Variants in PLSCR2 observed in about 807,000 individuals in gnomAD.
The protein encoded by PLSCR2 is PL scramblase 2.
In PLSCR2, 18 loss-of-function variants were observed where a neutral mutation model predicts 25.3. That is an observed-to-expected ratio of 0.71 (90% CI 0.49 to 1.06). The LOEUF (loss-of-function observed/expected upper bound fraction) is 1.06, where lower values mean the gene tolerates loss of function less well. Ranked by LOEUF, PLSCR2 falls within the 50% of genes least tolerant of loss-of-function variation. PLSCR2 has a pLI of 0.00. For missense variants in PLSCR2, 243 were observed against 269.5 expected (o/e 0.90, Z 0.69); for synonymous variants, 88 against 87.3 (o/e 1.01, Z -0.04).
chr3:146,474,171 T>C (rs943227363), intron 1 of PLSCR2, among the ~76,000 whole-genome samples: 4 of 152,236 alleles, frequency 2.6e-5, no homozygotes, highest in Admixed American at 6.5e-5. Context: ...TATACACTTA[T>C]GTGAAGACTG....
chr3:146,470,905 C>T (rs530879243), intron 1 of PLSCR2, among the ~76,000 whole-genome samples: 4 of 152,026 alleles, frequency 2.6e-5, no homozygotes, highest in Non-Finnish European at 5.9e-5. Context: ...ATGGTATCTA[C>T]CACAGAGGAT....
intron 6 of PLSCR2, among the ~76,000 whole-genome samples, chr3:146,444,002 G>A (rs1365252207): frequency 6.6e-6 from 1 of 151,116 alleles, no homozygotes; most frequent in Non-Finnish European, 1.5e-5. Context: ...TTTCCTTCTT[G>A]GTTTCTTCAT....
chr3:146,484,999 G>A (rs1286934077), intron 1 of PLSCR2, among the ~76,000 whole-genome samples: 2 of 151,936 alleles, frequency 1.3e-5, no homozygotes, highest in Non-Finnish European at 2.9e-5. Context: ...TGGCAAATTG[G>A]ATAAGGAGTT....
intron 1 of PLSCR2, among the ~76,000 whole-genome samples, chr3:146,467,247 AT>A (rs1459072780): frequency 3.3e-5 from 5 of 152,330 alleles, no homozygotes; most frequent in African/African-American, 1.2e-4. Flanking sequence ...CCCAACTGAA[AT>A]TGTAGTAGTA....
intron 5 of PLSCR2, among the ~76,000 whole-genome samples, chr3:146,450,058 A>C (rs780410343): frequency 3.0e-4 from 45 of 152,222 alleles, no homozygotes; most frequent in Non-Finnish European, 5.1e-4. Context: ...GGTTGTAAAA[A>C]TTCTGCTGAG....
chr3:146,423,234 C>CCTCTCT (rs200145864), intron 2 of PLSCR2, among the ~76,000 whole-genome samples: 558 of 53,438 alleles, frequency 0.01, 29 homozygotes, highest in African/African-American at 0.025. Flanking sequence ...CCTTGCAGTG[C>CCTCTCT]CTCTCTCTCT....
At chr3:146,452,528 G>T (rs1229003502) in intron 5 of PLSCR2, among the ~76,000 whole-genome samples, 1 of 151,956 alleles carries the variant, frequency 6.6e-6, no homozygotes, top group African/African-American at 2.4e-5. Context: ...TTACTGAAAA[G>T]GTATTTTTAA....
chr3:146,443,886 T>C (rs2040396162), intron 6 of PLSCR2, among the ~76,000 whole-genome samples: 1 of 151,952 alleles, frequency 6.6e-6, no homozygotes, highest in Non-Finnish European at 1.5e-5. Context: ...TTTTTTGATA[T>C]GGGGGCTTAT....
At chr3:146,427,224 T>C (rs1026123977) in intron 2 of PLSCR2, among the ~76,000 whole-genome samples, 2 of 152,186 alleles carry the variant, frequency 1.3e-5, no homozygotes, top group Non-Finnish European at 2.9e-5. Context: ...TATCCAGTTT[T>C]AGCATGTTCA....
chr3:146,392,109 CA>C (rs1427465459), intron 3 of PLSCR2, among the ~76,000 whole-genome samples: 1 of 152,010 alleles, frequency 6.6e-6, no homozygotes, highest in Non-Finnish European at 1.5e-5. Flanking sequence ...AGAGATGTCT[CA>C]TAATGTATTT....
At chr3:146,434,975 A>C (rs191841108) in intron 8 of PLSCR2, among the ~76,000 whole-genome samples, 249 of 135,378 alleles carry the variant, frequency 1.8e-3, no homozygotes, top group Non-Finnish European at 2.9e-3. Flanking sequence ...CCTGTGTCCA[A>C]GTGTTCTCAT....
chr3:146,482,618 A>G (rs1408420823), intron 1 of PLSCR2, among the ~76,000 whole-genome samples: 1 of 152,230 alleles, frequency 6.6e-6, no homozygotes, highest in African/African-American at 2.4e-5. Flanking sequence ...ACACTTTTAC[A>G]CTGTTGGTGG....
rs57452202 is a variant in PLSCR2 at position 146,480,380 on chromosome 3, C to T, written c.-293+15515G>A. 7.1e-3 allele frequency among the ~76,000 whole-genome samples: 1,078 copies of T among 152,022 alleles called. 13 individuals are homozygous for T. Among genetic ancestry groups the T allele is most frequent in the African/African-American group, 0.023 (972 of 41,472 alleles). On this transcript the variant is annotated intron_variant, in intron 1 of 8. Transcript: ENST00000336685. Reference sequence around the variant, plus strand: ...AGAAAAGAGAGAAGAATCAAACAGACGCAATAAAGAAATCATAAAGGGGAT... The same window carrying T: ...AGAAAAGAGAGAAGAATCAAACAGATGCAATAAAGAAATCATAAAGGGGAT...
intron 6 of PLSCR2, among the ~76,000 whole-genome samples, chr3:146,445,683 C>A (rs867869299): frequency 6.6e-6 from 1 of 151,978 alleles, no homozygotes; most frequent in South Asian, 2.1e-4. Context: ...ATATTTATAT[C>A]TTTCTCCAGG....
At chr3:146,474,433 C>CT (rs1214668229) in intron 1 of PLSCR2, among the ~76,000 whole-genome samples, 9 of 151,964 alleles carry the variant, frequency 5.9e-5, no homozygotes, top group Admixed American at 1.3e-4. Flanking sequence ...GTTGGAAATT[C>CT]TTTTTTTTAA....
upstream of PLSCR2, chr3:146,461,969 ATGAC>A: frequency 7.9e-7 from 1 of 1,263,072 alleles, no homozygotes; most frequent in Non-Finnish European, 1.1e-6. Flanking sequence ...AAAAAAAAAA[ATGAC>A]AAAGAACAAG....
At chr3:146,431,725 T>A (rs953987060), downstream of PLSCR2, among the ~76,000 whole-genome samples, 1 of 152,114 alleles carries the variant, frequency 6.6e-6, no homozygotes, top group Admixed American at 6.6e-5. Flanking sequence ...ACAAAAGTTA[T>A]CACTAAAAGA....
At chr3:146,487,748 A>C (rs980071949) in intron 1 of PLSCR2, among the ~76,000 whole-genome samples, 1 of 152,228 alleles carries the variant, frequency 6.6e-6, no homozygotes, top group Non-Finnish European at 1.5e-5. Flanking sequence ...CAAACTGCCC[A>C]AAATAATTTA....
At chr3:146,446,370 T>C (rs2040554262) in intron 6 of PLSCR2, among the ~76,000 whole-genome samples, 1 of 152,184 alleles carries the variant, frequency 6.6e-6, no homozygotes, top group African/African-American at 2.4e-5. Flanking sequence ...ACATATACTT[T>C]AGTGGATACC....
Sources: allele counts gnomAD v4.1 joint callset (sites outside exome capture counted in the v4.1 genomes callset), GRCh38; gene constraint gnomAD v4.1.1; transcripts MANE v1.5; gene names NCBI Gene and HGNC (gene_info 2026-07-23, HGNC 2026-07-21).